GLIS3: variants seen among roughly 807,000 people sequenced by gnomAD.
GLIS3 encodes the protein zinc finger protein GLIS3.
Under a neutral mutation model 78.6 loss-of-function variants are expected in GLIS3, and 53 were observed. The observed-to-expected ratio is 0.67, with a 90% CI of 0.54 to 0.85. GLIS3 has a LOEUF of 0.85. Ranked by LOEUF, GLIS3 falls within the 40% of genes least tolerant of loss-of-function variation. The probability of loss-of-function intolerance (pLI) is 0.00; values close to 1 mark genes in which losing one functional copy is unlikely to be tolerated. For synonymous variants in GLIS3, 684 were observed against 509.9 expected, an observed-to-expected ratio of 1.34 and a Z score of -4.60; for missense variants, 1,703 against 1,231.1, an observed-to-expected ratio of 1.38 and a Z score of -5.74.
intron 2 of GLIS3, among the ~76,000 whole-genome samples, chr9:4,139,358 G>A (rs1190148306): frequency 1.3e-5 from 2 of 152,136 alleles, no homozygotes; most frequent in African/African-American, 4.8e-5. Flanking sequence ...CAACTTTTAA[G>A]AACAATTCAT....
intron 4 of GLIS3, among the ~76,000 whole-genome samples, chr9:3,953,166 T>A (rs1358301059): frequency 6.6e-6 from 1 of 152,112 alleles, no homozygotes; most frequent in African/African-American, 2.4e-5. Context: ...AGTACCCCAA[T>A]GAAAGATTCA....
Position 3,827,777 on chromosome 9 carries a change from T to A in GLIS3, c.*495A>T, listed in dbSNP as rs1005866031. ...GGAAACCCAGGGAGTTTCTAAGAGT[T>A]GAGACCACACTATGCTTTGGACATG... On this transcript the variant is annotated 3_prime_UTR_variant, in exon 11 of 11. Coordinates refer to ENST00000381971, the MANE Select transcript of GLIS3 (RefSeq NM_001042413.2). 9.3e-5 allele frequency: 17 copies of A among 182,006 alleles called. No homozygotes were observed. The highest frequency in any genetic ancestry group is 4.0e-4 in the African/African-American group (17 of 42,406). 11.3% of individuals were successfully genotyped at this position (182,006 alleles called of 1,614,324 possible).
At chr9:4,275,593 C>G (rs1378839747) in intron 2 of GLIS3, among the ~76,000 whole-genome samples, 1 of 140,576 alleles carries the variant, frequency 7.1e-6, no homozygotes, top group Non-Finnish European at 1.5e-5. Context: ...GATCCCATCT[C>G]TACAAAAATT....
At chr9:4,479,836 C>A in the GLIS3 span, among the ~76,000 whole-genome samples, 2 of 151,936 alleles carry the variant, frequency 1.3e-5, no homozygotes, top group Non-Finnish European at 2.9e-5. Context: ...AAAACAGGAC[C>A]ACCATCGCTT....
intron 2 of GLIS3, among the ~76,000 whole-genome samples, chr9:4,324,818 C>T (rs1817578855): frequency 6.6e-6 from 1 of 152,058 alleles, no homozygotes; most frequent in Admixed American, 6.6e-5. Flanking sequence ...TTTCAAGTTT[C>T]CAAAAATAAA....
chr9:4,350,874 AC>A (rs1233453470), upstream of GLIS3, among the ~76,000 whole-genome samples: 4 of 152,118 alleles, frequency 2.6e-5, no homozygotes, highest in African/African-American at 9.7e-5. Context: ...CCCTAGTACC[AC>A]TAGTACCAGA....
chr9:4,117,855 G>A lies in GLIS3; in HGVS notation c.1623C>T (p.Cys541=). Residue 541 remains cysteine, a synonymous_variant, in exon 4 of 11, where the codon TGC becomes TGT. Coordinates refer to ENST00000381971, the MANE Select transcript of GLIS3 (RefSeq NM_001042413.2). Reference sequence around the variant, plus strand: ...CGTTGAAGGGCTTGTATCTTCGAGGGCAACCGGCCCAGAAGCAAGTGAAGT... The same window carrying A: ...CGTTGAAGGGCTTGTATCTTCGAGGACAACCGGCCCAGAAGCAAGTGAAGT... The part of the protein sequence containing the change: ...GEDFTCFWAG[C]PRRYKPFNAR... 1.2e-6 allele frequency: 2 copies of A among 1,614,110 alleles called. No individual in the cohort carries two copies. Among genetic ancestry groups the A allele is most frequent in the Non-Finnish European group, 1.7e-6 (2 of 1,180,018 alleles).
chr9:4,241,103 T>C (rs1421332504), intron 2 of GLIS3, among the ~76,000 whole-genome samples: 4 of 152,206 alleles, frequency 2.6e-5, no homozygotes, highest in African/African-American at 9.6e-5. Flanking sequence ...TTTATGATTA[T>C]GACCTTACCA....
intron 4 of GLIS3, among the ~76,000 whole-genome samples, chr9:3,983,253 C>T (rs1819451465): frequency 6.6e-6 from 1 of 152,182 alleles, no homozygotes; most frequent in Non-Finnish European, 1.5e-5. Flanking sequence ...CCATGTAAGA[C>T]ATGACTTGCT....
rs944968241 is a variant in GLIS3 at position 3,825,218 on chromosome 9, G to T, written c.*3054C>A. The T allele has an allele frequency of 6.6e-6, 1 of 152,134 alleles. No homozygotes were observed. The highest frequency in any genetic ancestry group is 2.4e-5 in the African/African-American group (1 of 41,420). 9.4% of individuals were successfully genotyped at this position (152,134 alleles called of 1,614,324 possible). A position where few individuals can be genotyped will look rare whatever the true frequency, so the allele number is the denominator to read the frequency against. ...CACTCTTATCAGTGGTAACTCTGCT[G>T]TGATCTACTAAAGACCTTTTTTTTT... On this transcript the variant is annotated 3_prime_UTR_variant, in exon 11 of 11. Coordinates refer to ENST00000381971, the MANE Select transcript of GLIS3 (RefSeq NM_001042413.2).
chr9:4,062,781 T>G (rs10814824), intron 4 of GLIS3, among the ~76,000 whole-genome samples: 77,903 of 151,900 alleles, frequency 0.51, 23,012 homozygotes, highest in South Asian at 0.7. Flanking sequence ...CAAAAAAAAT[T>G]AGCCAGGCAC....
At chr9:3,902,772 T>C (rs1361247466) in intron 6 of GLIS3, among the ~76,000 whole-genome samples, 1 of 152,222 alleles carries the variant, frequency 6.6e-6, no homozygotes, top group Non-Finnish European at 1.5e-5. Context: ...TAGTTTTCTG[T>C]TTATGGAAAG....
chr9:4,439,428 C>T, the GLIS3 span, among the ~76,000 whole-genome samples: 7 of 152,190 alleles, frequency 4.6e-5, no homozygotes, highest in Non-Finnish European at 1.5e-5. Flanking sequence ...CTCCTCCTAT[C>T]TTCTCCCCAG....
the GLIS3 span, among the ~76,000 whole-genome samples, chr9:4,387,302 T>C: frequency 1.3e-5 from 2 of 152,192 alleles, no homozygotes; most frequent in East Asian, 3.8e-4. Flanking sequence ...AGAATTTTTT[T>C]TTTAATTCCC....
chr9:4,075,090 GAAC>G (rs1196193492), intron 4 of GLIS3, among the ~76,000 whole-genome samples: 7 of 94,896 alleles, frequency 7.4e-5, no homozygotes, highest in Admixed American at 3.5e-4. Context: ...AGACTGAGAT[GAAC>G]AACAACACAA....
intron 4 of GLIS3, among the ~76,000 whole-genome samples, chr9:3,971,317 T>C (rs1818367376): frequency 6.6e-6 from 1 of 152,196 alleles, no homozygotes; most frequent in South Asian, 2.1e-4. Flanking sequence ...AATTCTATTT[T>C]ATGCTTTAAT....
upstream of GLIS3, among the ~76,000 whole-genome samples, chr9:4,304,625 G>A (rs1817181742): frequency 6.6e-6 from 1 of 152,148 alleles, no homozygotes; most frequent in African/African-American, 2.4e-5. Context: ...AGAAGAAGGT[G>A]AATTATTTAA....
At chr9:4,474,265 A>G in the GLIS3 span, among the ~76,000 whole-genome samples, 1 of 152,206 alleles carries the variant, frequency 6.6e-6, no homozygotes, top group Non-Finnish European at 1.5e-5. Context: ...AACAAAATAG[A>G]AAGTTCAAGG....
At chr9:4,057,573 T>TG (rs1289134791) in intron 4 of GLIS3, among the ~76,000 whole-genome samples, 1 of 151,788 alleles carries the variant, frequency 6.6e-6, no homozygotes, top group Admixed American at 6.6e-5. Flanking sequence ...TATTTGTCCT[T>TG]GAAAAAAAAG....
Sources: allele counts gnomAD v4.1 joint callset (sites outside exome capture counted in the v4.1 genomes callset), GRCh38; gene constraint gnomAD v4.1.1; transcripts MANE v1.5; gene names NCBI Gene and HGNC (gene_info 2026-07-23, HGNC 2026-07-21).